PPP4R2: variants seen among roughly 807,000 people sequenced by gnomAD.
PPP4R2 encodes serine/threonine-protein phosphatase 4 regulatory subunit 2.
In PPP4R2, 13 loss-of-function variants were observed where a neutral mutation model predicts 47.2. The ratio of observed to expected loss-of-function variants is 0.28; its 90% CI spans 0.18 to 0.44. The LOEUF (loss-of-function observed/expected upper bound fraction) is 0.44, where lower values mean the gene tolerates loss of function less well. PPP4R2 is among the 20% of genes least tolerant of loss of function. The pLI, the probability that PPP4R2 is intolerant of heterozygous loss-of-function variation, is 1.00. For missense variants in PPP4R2, 421 were observed against 491.2 expected (o/e 0.86, Z 1.35); for synonymous variants, 151 against 163.3 (o/e 0.92, Z 0.57).
intron 2 of PPP4R2, among the ~76,000 whole-genome samples, chr3:73,029,866 A>G (rs1702136417): frequency 6.6e-6 from 1 of 152,238 alleles, no homozygotes; most frequent in Non-Finnish European, 1.5e-5. Context: ...GGAGTGATCA[A>G]CTGTAAAATA....
intron 2 of PPP4R2, among the ~76,000 whole-genome samples, chr3:73,005,502 C>A (rs926292169): frequency 6.6e-6 from 1 of 151,866 alleles, no homozygotes; most frequent in African/African-American, 2.4e-5. Context: ...CTTTGCATAT[C>A]TTCAGTACTT....
chr3:73,007,375 A>T (rs1284149029), intron 2 of PPP4R2, among the ~76,000 whole-genome samples: 5 of 152,184 alleles, frequency 3.3e-5, no homozygotes, highest in African/African-American at 4.8e-5. Flanking sequence ...GACAACTAAG[A>T]CCCGCATTAT....
At chr3:73,002,791 G>A (rs1381651469) in intron 2 of PPP4R2, among the ~76,000 whole-genome samples, 3 of 151,426 alleles carry the variant, frequency 2.0e-5, no homozygotes, top group African/African-American at 4.9e-5. Flanking sequence ...ACAGGCATGC[G>A]CCACCACGCC....
chr3:73,044,258 A>T (rs1702437879), intron 2 of PPP4R2, among the ~76,000 whole-genome samples: 2 of 152,016 alleles, frequency 1.3e-5, no homozygotes. Flanking sequence ...GAGCAACCAA[A>T]CTGCTTTCCA....
At chr3:73,027,783 A>G (rs971756339) in intron 2 of PPP4R2, 13 of 151,990 alleles carry the variant, frequency 8.6e-5, no homozygotes, top group African/African-American at 2.9e-4. Flanking sequence ...GAAAAAGGGT[A>G]AGGGAAATGA....
At chr3:73,036,208 G>A (rs771102047) in intron 2 of PPP4R2, among the ~76,000 whole-genome samples, 1 of 152,188 alleles carries the variant, frequency 6.6e-6, no homozygotes, top group Non-Finnish European at 1.5e-5. Context: ...GATCTTAACG[G>A]AGGTAGAGAG....
intron 8 of PPP4R2, 31 bp downstream of exon 8, chr3:73,065,172 G>A (rs2107349965): frequency 6.5e-7 from 1 of 1,547,776 alleles, no homozygotes; most frequent in South Asian, 1.2e-5. Flanking sequence ...AAAGGGTGGA[G>A]TAAGGAGATC....
intron 1 of PPP4R2, 168 bp downstream of exon 1, chr3:72,997,239 GCT>G (rs1203042355): frequency 1.1e-5 from 5 of 447,852 alleles, no homozygotes; most frequent in African/African-American, 1.0e-4. Context: ...CCTGTGGGCA[GCT>G]CTCTCCCGCC....
rs60279021 is a variant in PPP4R2 at position 73,028,256 on chromosome 3, C to CA, written c.117-18911dup. Reference sequence around the variant, plus strand: ...TGGGTGTCAGAGCAAGACTCCGTCTCAAAAAAAAAAAAAAAAAAAGACGGG... The same window carrying CA: ...TGGGTGTCAGAGCAAGACTCCGTCTCAAAAAAAAAAAAAAAAAAAAGACGGG... On this transcript the variant is annotated intron_variant, in intron 2 of 8. Transcript: ENST00000356692. Among the ~76,000 whole-genome samples, 713 of 120,442 alleles carry CA rather than the reference C, an allele frequency of 5.9e-3. 1 individual carries two copies. Among genetic ancestry groups the CA allele is most frequent in the Middle Eastern group, 0.013 (3 of 224 alleles). The allele number at this position is 120,442 out of a possible 152,430, so 79.0% of individuals were successfully genotyped here.
intron 2 of PPP4R2, among the ~76,000 whole-genome samples, chr3:73,028,071 A>T (rs747363905): frequency 6.6e-6 from 1 of 151,620 alleles, no homozygotes; most frequent in East Asian, 1.9e-4. Context: ...AGCCTGGCCA[A>T]CATGGTGAAA....
chr3:73,028,836 T>C (rs1389845017), intron 2 of PPP4R2, among the ~76,000 whole-genome samples: 3 of 151,924 alleles, frequency 2.0e-5, no homozygotes, highest in Admixed American at 1.3e-4. Flanking sequence ...GTGGCTGAAG[T>C]AGACTGATCA....
chr3:73,011,565 C>T (rs942427414), intron 2 of PPP4R2, among the ~76,000 whole-genome samples: 1 of 152,050 alleles, frequency 6.6e-6, no homozygotes, highest in African/African-American at 2.4e-5. Flanking sequence ...TTTCAAGTGG[C>T]TTACCTAAGC....
chr3:73,012,797 C>G (rs1277498928), intron 2 of PPP4R2, among the ~76,000 whole-genome samples: 1 of 151,170 alleles, frequency 6.6e-6, no homozygotes, highest in East Asian at 2.0e-4. Flanking sequence ...GTTTTTGTTT[C>G]AAAGAGATTT....
chr3:73,015,549 C>T (rs1242294419), intron 2 of PPP4R2, among the ~76,000 whole-genome samples: 1 of 150,924 alleles, frequency 6.6e-6, no homozygotes. Context: ...GATCTCGGCT[C>T]ACTGCAACCT....
At chr3:73,002,118 C>G (rs530897122) in intron 2 of PPP4R2, among the ~76,000 whole-genome samples, 71 of 152,206 alleles carry the variant, frequency 4.7e-4, no homozygotes, top group Non-Finnish European at 9.7e-4. Context: ...CTGTGCTTGA[C>G]TTAACTTCAC....
At chr3:73,065,363 C>A (rs2107350294) in intron 8 of PPP4R2, 34 bp from the exon 9 acceptor site, 1 of 1,535,352 alleles carries the variant, frequency 6.5e-7, no homozygotes, top group Non-Finnish European at 8.8e-7. Context: ...TTTGAAAATA[C>A]AATTTAACTA....
At chr3:73,062,865 G>GA in intron 5 of PPP4R2, 2 of 1,613,754 alleles carry the variant, frequency 1.2e-6, no homozygotes, top group East Asian at 4.5e-5. Context: ...TGGAGACTTT[G>GA]AATCCCCTCT....
chr3:73,014,684 T>C (rs953421964), intron 2 of PPP4R2, among the ~76,000 whole-genome samples: 10 of 152,170 alleles, frequency 6.6e-5, no homozygotes, highest in East Asian at 1.9e-4. Flanking sequence ...TAACATCTTA[T>C]AGTTTTTTTT....
intron 3 of PPP4R2, among the ~76,000 whole-genome samples, chr3:73,047,917 C>T (rs918246432): frequency 6.6e-6 from 1 of 152,200 alleles, no homozygotes; most frequent in East Asian, 1.9e-4. Context: ...CGCTCTGTCA[C>T]CTAGGCTGGA....
Sources: gnomAD v4.1 joint callset for allele counts (sites outside exome capture counted in the v4.1 genomes callset) on GRCh38, gnomAD v4.1.1 for gene constraint, MANE v1.5 for transcripts, NCBI Gene and HGNC (gene_info 2026-07-23, HGNC 2026-07-21) for gene names.